The following STON2 variants were observed in gnomAD, a reference collection of about 807,000 sequenced individuals.
The protein encoded by STON2 is stonin 2.
Under a neutral mutation model 65.7 loss-of-function variants are expected in STON2, and 29 were observed. The ratio of observed to expected loss-of-function variants is 0.44; its 90% confidence interval spans 0.33 to 0.60. The LOEUF (loss-of-function observed/expected upper bound fraction) is 0.60. Ranked by LOEUF, STON2 falls within the 20% of genes least tolerant of loss-of-function variation. STON2 has a pLI of 0.03. For synonymous variants in STON2, 404 were observed against 414.2 expected, an observed-to-expected ratio of 0.98 and a Z score of 0.30; for missense variants, 1,054 against 1,118.1, an observed-to-expected ratio of 0.94 and a Z score of 0.82.
chr14:81,400,681 G>A (rs551788721), upstream of STON2, among the ~76,000 whole-genome samples: 1 of 152,088 alleles, frequency 6.6e-6, no homozygotes, highest in African/African-American at 2.4e-5. Context: ...AGGTTTTAAA[G>A]ATCAACAACT....
chr14:81,371,140 G>A lies in STON2; in HGVS notation c.419C>T (p.Ser140Phe), dbSNP rs1898971034. The A allele has an allele frequency of 5.0e-6, 8 of 1,614,048 alleles. No individual in the cohort carries two copies. Among genetic ancestry groups the A allele is most frequent in the African/African-American group, 1.3e-5 (1 of 74,924 alleles). Residue 140 changes from serine to phenylalanine, a missense_variant, in exon 4 of 8, where the codon TCC becomes TTC. By Grantham distance (155) the Ser-to-Phe change is radical (BLOSUM62 -2). Coordinates refer to ENST00000614646, the MANE Select transcript of STON2 (RefSeq NM_001394390.1). ...MPCWTCPSFD[S>F]LGRCPLTSES... ...AGAAGTCAGAGGGCATCTCCCCAGG[G>A]AGTCAAAGGAAGGGCATGTCCAGCA...
intron 3 of STON2, among the ~76,000 whole-genome samples, chr14:81,377,168 T>A (rs72703738): frequency 1.3e-5 from 2 of 152,314 alleles, no homozygotes; most frequent in Admixed American, 6.5e-5. Context: ...CTTGCCTCCA[T>A]CTCCATACTC....
chr14:81,368,663 G>C (rs890603087), intron 4 of STON2, among the ~76,000 whole-genome samples: 6 of 152,116 alleles, frequency 3.9e-5, no homozygotes, highest in African/African-American at 1.2e-4. Flanking sequence ...GCAGTGAGCC[G>C]AGATTGCACC....
At chr14:81,283,016 T>C (rs904886902) in intron 5 of STON2, among the ~76,000 whole-genome samples, 2 of 152,228 alleles carry the variant, frequency 1.3e-5, no homozygotes, top group African/African-American at 2.4e-5. Flanking sequence ...TTAATTACTA[T>C]CCCTTCCACT....
intron 5 of STON2, among the ~76,000 whole-genome samples, chr14:81,282,671 T>G (rs1895172086): frequency 6.6e-6 from 1 of 152,222 alleles, no homozygotes; most frequent in African/African-American, 2.4e-5. Flanking sequence ...TATTCTTTCT[T>G]TCAAAAACTG....
Position 81,286,976 on chromosome 14 carries a change from T to C in STON2, c.743-8237A>G, listed in dbSNP as rs187018947. On this transcript the variant is annotated intron_variant, in intron 5 of 7. Coordinates refer to ENST00000614646, the MANE Select transcript of STON2 (RefSeq NM_001394390.1). The stretch of plus-strand genomic sequence containing the variant: ...GAATTTTTCCCATTACCTTTTGAGA[T>C]TGGCAAGAGTTATCTTGACACAACT... Among the ~76,000 whole-genome samples the C allele has an allele frequency of 7.9e-5, 12 of 152,338 alleles. No homozygotes were observed. In the South Asian group the frequency reaches 1.4e-3, roughly 18 times the overall value.
At position 81,269,660 on chromosome 14, in the gene STON2, A is replaced by G. The variant is rs1051587340; in HGVS notation, c.2784+1010T>C. On this transcript the variant is annotated intron_variant, in intron 7 of 7. Coordinates refer to ENST00000614646, the MANE Select transcript of STON2 (RefSeq NM_001394390.1). ...GTTAAATATTTTAGCCCACACAGCT[A>G]AGGAAACATTTAGAGGAACAATAAA... is the stretch of plus-strand genomic sequence containing the variant. The G allele has an allele frequency of 5.1e-6, 5 of 985,176 alleles. No individual in the cohort carries two copies. The Admixed American group carries it at 3.1e-4, about 61-fold the overall frequency. 61.0% of individuals were successfully genotyped at this position (985,176 alleles called of 1,614,324 possible). A position where few individuals can be genotyped will look rare whatever the true frequency, so the allele number is the denominator to read the frequency against.
intron 5 of STON2, among the ~76,000 whole-genome samples, chr14:81,281,954 A>G (rs1421495274): frequency 1.3e-5 from 2 of 152,196 alleles, no homozygotes; most frequent in Non-Finnish European, 2.9e-5. Flanking sequence ...AATTGCATGT[A>G]TTTTTAAAAC....
At chr14:81,394,774 G>T (rs1252809489) in intron 3 of STON2, among the ~76,000 whole-genome samples, 1 of 152,128 alleles carries the variant, frequency 6.6e-6, no homozygotes, top group Non-Finnish European at 1.5e-5. Context: ...GCTGGGAAGG[G>T]CCAGGAAACA....
At chr14:81,422,761 C>T (rs1355863156) in intron 2 of STON2, among the ~76,000 whole-genome samples, 4 of 152,128 alleles carry the variant, frequency 2.6e-5, no homozygotes, top group Admixed American at 1.3e-4. Context: ...AGGCCAGGCA[C>T]GGTGGCTCAC....
chr14:81,337,291 G>A (rs1897409371), intron 4 of STON2, among the ~76,000 whole-genome samples: 1 of 152,194 alleles, frequency 6.6e-6, no homozygotes, highest in Admixed American at 6.5e-5. Context: ...AGGCACATCT[G>A]ATACAGATTA....
At chr14:81,296,784 G>A (rs1312174600) in intron 5 of STON2, among the ~76,000 whole-genome samples, 2 of 152,066 alleles carry the variant, frequency 1.3e-5, no homozygotes, top group Non-Finnish European at 2.9e-5. Flanking sequence ...AGCAGACTGT[G>A]GCAAATACAC....
chr14:81,320,757 C>T (rs1294849566), intron 5 of STON2, among the ~76,000 whole-genome samples: 1 of 152,022 alleles, frequency 6.6e-6, no homozygotes, highest in Non-Finnish European at 1.5e-5. Flanking sequence ...CAGGTCTCTG[C>T]GATGTCTCTT....
chr14:81,405,440 A>G (rs1228278113), intron 2 of STON2, among the ~76,000 whole-genome samples: 1 of 110,022 alleles, frequency 9.1e-6, no homozygotes, highest in Non-Finnish European at 1.7e-5. Flanking sequence ...CCTCTAGACC[A>G]TTTGGGATTA....
chr14:81,412,122 A>C (rs1455779971), intron 2 of STON2, among the ~76,000 whole-genome samples: 1 of 140,190 alleles, frequency 7.1e-6, no homozygotes, highest in Non-Finnish European at 1.5e-5. Flanking sequence ...TAGAACTACA[A>C]GGTCTTGTGA....
intron 4 of STON2, among the ~76,000 whole-genome samples, chr14:81,340,066 A>G (rs1436229102): frequency 6.6e-6 from 1 of 152,182 alleles, no homozygotes; most frequent in Non-Finnish European, 1.5e-5. Context: ...AGGCAGGAGA[A>G]TGGCATAAAC....
intron 4 of STON2, among the ~76,000 whole-genome samples, chr14:81,327,018 C>T (rs190485092): frequency 1.1e-3 from 173 of 152,214 alleles, no homozygotes; most frequent in African/African-American, 3.6e-3. Context: ...ATTAGCCAGG[C>T]GTGGTGGCAC....
chr14:81,408,530 A>G (rs1304074598), intron 2 of STON2, among the ~76,000 whole-genome samples: 10 of 152,222 alleles, frequency 6.6e-5, no homozygotes, highest in Non-Finnish European at 1.3e-4. Context: ...TTCCTTCTCT[A>G]AAGTCATATT....
chr14:81,372,245 G>A (rs369892524), intron 3 of STON2, among the ~76,000 whole-genome samples: 59 of 151,950 alleles, frequency 3.9e-4, no homozygotes, highest in African/African-American at 1.3e-3. Flanking sequence ...CTGCCTCCAC[G>A]GTGCTGCATA....
Sources: gnomAD v4.1 joint callset for allele counts (sites outside exome capture counted in the v4.1 genomes callset) on GRCh38, gnomAD v4.1.1 for gene constraint, MANE v1.5 for transcripts, NCBI Gene and HGNC (gene_info 2026-07-23, HGNC 2026-07-21) for gene names.